The following ACACA variants were observed in gnomAD, a reference collection of about 807,000 sequenced individuals.
ACACA encodes the protein acetyl-CoA carboxylase 1.
Under a neutral mutation model 296.1 loss-of-function variants are expected in ACACA, and 103 were observed. The observed-to-expected ratio is 0.35, with a 90% CI of 0.30 to 0.41. ACACA has a LOEUF of 0.41. Ranked by LOEUF, ACACA falls within the 10% of genes least tolerant of loss-of-function variation. ACACA has a pLI of 1.00. For synonymous variants in ACACA, 953 were observed against 1,038.6 expected, an observed-to-expected ratio of 0.92 and a Z score of 1.58; for missense variants, 1,554 against 2,989.7, an observed-to-expected ratio of 0.52 and a Z score of 11.20.
Position 37,086,839 on chromosome 17 carries a change from A to T in ACACA, c.*477T>A, listed in dbSNP as rs1353852310. 1 of 229,960 alleles carries T rather than the reference A, an allele frequency of 4.3e-6. No homozygotes were observed. The highest frequency in any genetic ancestry group is 1.0e-4 in the East Asian group (1 of 9,838). The allele number at this position is 229,960 out of a possible 1,614,324, so 14.2% of individuals were successfully genotyped here. Reference sequence around the variant, plus strand: ...GTGCTGGGCTAAGAGTCGGGGTAATAAACAATGGACTTGAGGCTTCCTCCT... The same window carrying T: ...GTGCTGGGCTAAGAGTCGGGGTAATTAACAATGGACTTGAGGCTTCCTCCT... On this transcript the variant is annotated 3_prime_UTR_variant, in exon 56 of 56. Coordinates refer to ENST00000616317, the MANE Select transcript of ACACA (RefSeq NM_198834.3).
At chr17:37,208,004 T>C (rs2078584382) in intron 30 of ACACA, among the ~76,000 whole-genome samples, 1 of 152,314 alleles carries the variant, frequency 6.6e-6, no homozygotes, top group East Asian at 1.9e-4. Context: ...AAATAAACTA[T>C]ATTTTCATCA....
chr17:37,134,466 T>A (rs377076890), intron 45 of ACACA, among the ~76,000 whole-genome samples: 1 of 152,224 alleles, frequency 6.6e-6, no homozygotes, highest in African/African-American at 2.4e-5. Flanking sequence ...GTTTCACAGA[T>A]GCAACTTAGC....
intron 3 of ACACA, among the ~76,000 whole-genome samples, chr17:37,296,375 G>A (rs1023095834): frequency 7.0e-6 from 1 of 142,666 alleles, no homozygotes; most frequent in African/African-American, 2.6e-5. Flanking sequence ...GTGAGATCTC[G>A]GCTCACTGCA....
chr17:37,191,907 T>C (rs2077771605), intron 37 of ACACA, among the ~76,000 whole-genome samples, 183 bp downstream of exon 37: 1 of 152,152 alleles, frequency 6.6e-6, no homozygotes. Flanking sequence ...AAAAAGCCTT[T>C]ATTATATGAA....
intron 23 of ACACA, 45 bp from the exon 24 acceptor site, chr17:37,240,609 A>G (rs2080347793): frequency 6.5e-7 from 1 of 1,542,246 alleles, no homozygotes; most frequent in South Asian, 1.1e-5. Flanking sequence ...ACAATCCAAC[A>G]CTATTAAGCA....
intron 50 of ACACA, among the ~76,000 whole-genome samples, chr17:37,118,558 G>C (rs1390008328): frequency 6.6e-6 from 1 of 152,166 alleles, no homozygotes; most frequent in Non-Finnish European, 1.5e-5. Flanking sequence ...CTGTTATAGG[G>C]ATATTCTAGT....
At chr17:37,121,937 C>A (rs1446995413) in intron 49 of ACACA, among the ~76,000 whole-genome samples, 1 of 152,170 alleles carries the variant, frequency 6.6e-6, no homozygotes, top group Non-Finnish European at 1.5e-5. Flanking sequence ...CCTCCCTGAC[C>A]CCTCACTTTC....
At chr17:37,324,089 G>A (rs1335820765) in intron 3 of ACACA, among the ~76,000 whole-genome samples, 2 of 152,000 alleles carry the variant, frequency 1.3e-5, no homozygotes, top group African/African-American at 4.8e-5. Flanking sequence ...AAAATTAGCT[G>A]GGCACAGTGG....
intron 44 of ACACA, among the ~76,000 whole-genome samples, chr17:37,150,622 C>T (rs749916181): frequency 2.0e-5 from 3 of 151,556 alleles, no homozygotes. Context: ...GAGGTGGTGG[C>T]ACATGCCTGT....
At chr17:37,296,385 A>G (rs1029046628) in intron 3 of ACACA, among the ~76,000 whole-genome samples, 1 of 137,164 alleles carries the variant, frequency 7.3e-6, no homozygotes, top group Non-Finnish European at 1.6e-5. Context: ...GGCTCACTGC[A>G]AGCTCTGCCT....
chr17:37,317,005 T>C (rs1021763658), intron 3 of ACACA, among the ~76,000 whole-genome samples: 2 of 150,944 alleles, frequency 1.3e-5, no homozygotes, highest in African/African-American at 4.9e-5. Flanking sequence ...CCCAGGGAGG[T>C]TGAAGCTGCA....
chr17:37,161,208 T>C (rs910579442), intron 42 of ACACA, among the ~76,000 whole-genome samples: 3 of 152,180 alleles, frequency 2.0e-5, no homozygotes, highest in African/African-American at 4.8e-5. Flanking sequence ...CACAGTCTGA[T>C]GACATGAGAT....
chr17:37,359,256 C>T, intron 1 of ACACA: 1 of 634,500 alleles, frequency 1.6e-6, no homozygotes, highest in Non-Finnish European at 2.0e-6. Flanking sequence ...GACCCCGCTC[C>T]GGGCTGCGGC....
chr17:37,313,875 A>G (rs2046961002), intron 3 of ACACA, among the ~76,000 whole-genome samples: 1 of 147,298 alleles, frequency 6.8e-6, no homozygotes, highest in Non-Finnish European at 1.5e-5. Context: ...AATAAAGGAA[A>G]TCAGTATATT....
chr17:37,166,856 A>G (rs1350477535), intron 41 of ACACA, among the ~76,000 whole-genome samples: 2 of 152,254 alleles, frequency 1.3e-5, no homozygotes, highest in African/African-American at 2.4e-5. Context: ...GGTAGTCAGT[A>G]TTAATTCAAA....
intron 29 of ACACA, among the ~76,000 whole-genome samples, chr17:37,216,206 G>GTATATA (rs1408341144): frequency 4.8e-5 from 7 of 146,102 alleles, no homozygotes; most frequent in African/African-American, 1.3e-4. Flanking sequence ...GTGTGTGTGT[G>GTATATA]TGTATATATA....
chr17:37,223,734 A>G (rs1379729157), intron 27 of ACACA, 133 bp from the exon 28 acceptor site: 3 of 699,254 alleles, frequency 4.3e-6, no homozygotes, highest in Non-Finnish European at 7.8e-6. Context: ...TCTGTGCCTC[A>G]GCTTCCTGAG....
chr17:37,156,306 G>A lies in ACACA; in HGVS notation c.5350-526C>T, dbSNP rs528730112. Among the ~76,000 whole-genome samples the A allele has an allele frequency of 3.3e-3, 497 of 151,924 alleles. 3 individuals are homozygous for A. Among genetic ancestry groups the A allele is most frequent in the African/African-American group, 0.011 (460 of 41,430 alleles). On this transcript the variant is annotated intron_variant, in intron 42 of 55. Transcript: ENST00000616317. ...TCTCAATCTCCTGACCTCGTGATCC[G>A]CCCGCCTCGGCCTCCCAAAGTGCTG...
intron 7 of ACACA, among the ~76,000 whole-genome samples, chr17:37,276,434 C>T (rs980716238): frequency 6.6e-6 from 1 of 152,120 alleles, no homozygotes; most frequent in South Asian, 2.1e-4. Context: ...AAATAGTATA[C>T]GCTCTTTGGT....
Sources: allele counts gnomAD v4.1 joint callset (sites outside exome capture counted in the v4.1 genomes callset), GRCh38; gene constraint gnomAD v4.1.1; transcripts MANE v1.5; gene names NCBI Gene and HGNC (gene_info 2026-07-23, HGNC 2026-07-21).